BSPRY: variants seen among roughly 807,000 people sequenced by gnomAD.
The protein encoded by BSPRY is B-box and SPRY domain containing, also known as B box and SPRY domain-containing protein.
Under a neutral mutation model 38.0 loss-of-function variants are expected in BSPRY, and 33 were observed. The observed-to-expected ratio is 0.87, with a 90% CI of 0.66 to 1.16. The LOEUF is 1.16. Among genes scored for constraint, BSPRY ranks in the 50% most tolerant of loss-of-function variants. The probability of loss-of-function intolerance (pLI) is 0.00; values close to 1 mark genes in which losing one functional copy is unlikely to be tolerated. For synonymous variants in BSPRY, 224 were observed against 228.5 expected, an observed-to-expected ratio of 0.98 and a Z score of 0.18; for missense variants, 523 against 533.2, an observed-to-expected ratio of 0.98 and a Z score of 0.19.
At position 113,369,597 on chromosome 9, in the gene BSPRY, T is replaced by C. The variant is rs1158883028; in HGVS notation, c.683-19T>C. ...GGCAGGGGTGGGCCCTCGGCAACTCTGAGAATTCTTTCTGGCAGGCACAGA... is the reference window on the plus strand; with the variant it reads ...GGCAGGGGTGGGCCCTCGGCAACTCCGAGAATTCTTTCTGGCAGGCACAGA... On this transcript the variant is annotated intron_variant, in intron 5 of 5. Coordinates refer to ENST00000374183, the MANE Select transcript of BSPRY (RefSeq NM_017688.3). 3 of 1,589,448 alleles carry C rather than the reference T, an allele frequency of 1.9e-6. No homozygotes were observed. Among genetic ancestry groups the C allele is most frequent in the Non-Finnish European group, 1.7e-6 (2 of 1,166,254 alleles).
At chr9:113,356,171 G>T (rs1411369748) in intron 2 of BSPRY, among the ~76,000 whole-genome samples, 1 of 152,134 alleles carries the variant, frequency 6.6e-6, no homozygotes, top group African/African-American at 2.4e-5. Context: ...GGAATAGGAC[G>T]GGTTGCAATT....
intron 2 of BSPRY, among the ~76,000 whole-genome samples, chr9:113,360,055 G>T (rs1834122954): frequency 6.6e-6 from 1 of 152,134 alleles, no homozygotes; most frequent in Non-Finnish European, 1.5e-5. Flanking sequence ...GTTTTAGGAA[G>T]TCATCAGTTT....
At chr9:113,362,829 C>T (rs1350892172) in intron 4 of BSPRY, among the ~76,000 whole-genome samples, 2 of 152,194 alleles carry the variant, frequency 1.3e-5, no homozygotes, top group African/African-American at 4.8e-5. Context: ...ATCTTTGAAA[C>T]TTAAGTCTGC....
intron 2 of BSPRY, among the ~76,000 whole-genome samples, chr9:113,356,679 T>C (rs894188367): frequency 2.6e-5 from 4 of 152,134 alleles, no homozygotes; most frequent in Admixed American, 1.3e-4. Flanking sequence ...ATTCTGCATA[T>C]ATTTTGAAGA....
intron 2 of BSPRY, among the ~76,000 whole-genome samples, chr9:113,356,078 C>G (rs1372317756): frequency 6.6e-6 from 1 of 152,208 alleles, no homozygotes; most frequent in Non-Finnish European, 1.5e-5. Flanking sequence ...AGCCTACATT[C>G]TTGTCACAGA....
chr9:113,360,675 CTT>C lies in BSPRY; in HGVS notation c.470_471del (p.Leu157ArgfsTer16). The C allele has an allele frequency of 1.2e-6, 2 of 1,607,356 alleles. No homozygotes were observed. The highest frequency in any genetic ancestry group is 1.7e-6 in the Non-Finnish European group (2 of 1,177,988). On this transcript the variant is annotated frameshift_variant, in exon 3 of 6. Transcript: ENST00000374183. LOFTEE classifies it high-confidence loss of function. ...RVHWAEALQK[L>X]DTIRTGLVGM... The stretch of plus-strand genomic sequence containing the variant: ...GCACTGGGCCGAGGCGCTGCAGAAA[CTT>C]GACACCATCCGCACTGGCCTGGTGG...
At chr9:113,356,782 G>A (rs1188071335) in intron 2 of BSPRY, among the ~76,000 whole-genome samples, 3 of 152,322 alleles carry the variant, frequency 2.0e-5, no homozygotes, top group African/African-American at 7.2e-5. Flanking sequence ...TTGAGCAACT[G>A]GCAGGATGGA....
intron 3 of BSPRY, 77 bp from the exon 4 acceptor site, chr9:113,362,292 G>T: frequency 6.6e-7 from 1 of 1,507,872 alleles, no homozygotes; most frequent in Middle Eastern, 1.7e-4. Context: ...GCCCTTTCTG[G>T]TAGTTAAATC....
intron 2 of BSPRY, 52 bp downstream of exon 2, chr9:113,354,390 A>AG: frequency 6.7e-7 from 1 of 1,489,518 alleles, no homozygotes; most frequent in South Asian, 1.1e-5. Flanking sequence ...ATAAGGCCTT[A>AG]GACTTAGGGA....
chr9:113,351,065 G>C (rs1833962241), intron 1 of BSPRY, among the ~76,000 whole-genome samples: 1 of 152,132 alleles, frequency 6.6e-6, no homozygotes, highest in East Asian at 1.9e-4. Context: ...GCTTTGCTTC[G>C]GCGGTTGGAG....
intron 3 of BSPRY, among the ~76,000 whole-genome samples, 195 bp from the exon 4 acceptor site, chr9:113,362,174 G>GGGGGGTGTGT (rs1554734197): frequency 2.1e-5 from 3 of 141,248 alleles, no homozygotes; most frequent in African/African-American, 8.0e-5. Flanking sequence ...ATGTGTTATG[G>GGGGGGTGTGT]GTGTGTGTGT....
At chr9:113,350,553 C>T (rs1205171268) in intron 1 of BSPRY, among the ~76,000 whole-genome samples, 1 of 152,044 alleles carries the variant, frequency 6.6e-6, no homozygotes, top group Non-Finnish European at 1.5e-5. Flanking sequence ...TTGGGAGAGT[C>T]GAAGTCACCT....
At chr9:113,368,550 G>A (rs923705790) in intron 5 of BSPRY, among the ~76,000 whole-genome samples, 167 bp downstream of exon 5, 7 of 152,124 alleles carry the variant, frequency 4.6e-5, no homozygotes, top group African/African-American at 1.7e-4. Context: ...GACAGGCCTG[G>A]GGCAGCTGGG....
At position 113,362,340 on chromosome 9, in the gene BSPRY, A is replaced by C. The variant is rs373577737; in HGVS notation, c.532-29A>C. On this transcript the variant is annotated intron_variant, in intron 3 of 5. Transcript: ENST00000374183. ...GACTCCCTGCTGGGTATCTGGTGCC[A>C]AGCTTGACTTTGTTTTCTTTTCTCA... is the stretch of plus-strand genomic sequence containing the variant. The C allele has an allele frequency of 5.0e-6, 8 of 1,614,060 alleles. No individual in the cohort carries two copies. The African/African-American group carries it at 1.1e-4, about 22-fold the overall frequency.
chr9:113,357,916 A>G (rs1202194971), intron 2 of BSPRY, among the ~76,000 whole-genome samples: 899 of 42,078 alleles, frequency 0.021, 74 homozygotes, highest in African/African-American at 0.047. Context: ...ATATATATAT[A>G]TATATATATA....
chr9:113,356,952 A>G (rs1026966945), intron 2 of BSPRY, among the ~76,000 whole-genome samples: 1 of 152,216 alleles, frequency 6.6e-6, no homozygotes, highest in African/African-American at 2.4e-5. Context: ...AGGTAGCTGC[A>G]TATATGAGTT....
intron 1 of BSPRY, among the ~76,000 whole-genome samples, chr9:113,350,682 C>T (rs35915957): frequency 0.059 from 9,015 of 152,186 alleles, 451 homozygotes; most frequent in South Asian, 0.17. Flanking sequence ...CTGGGGACTT[C>T]GCCTACCCAG....
chr9:113,360,340 G>A (rs1315423073), intron 2 of BSPRY, among the ~76,000 whole-genome samples, 167 bp from the exon 3 acceptor site: 2 of 152,132 alleles, frequency 1.3e-5, no homozygotes, highest in Non-Finnish European at 2.9e-5. Flanking sequence ...AAGTCTTGGG[G>A]CAGAGATGTC....
At chr9:113,358,363 G>C (rs981305192) in intron 2 of BSPRY, among the ~76,000 whole-genome samples, 2 of 151,934 alleles carry the variant, frequency 1.3e-5, no homozygotes, top group African/African-American at 2.4e-5. Flanking sequence ...CCACCTCCCA[G>C]CTTCAAGCAA....
Sources: gnomAD v4.1 joint callset for allele counts (sites outside exome capture counted in the v4.1 genomes callset) on GRCh38, gnomAD v4.1.1 for gene constraint, MANE v1.5 for transcripts, NCBI Gene and HGNC (gene_info 2026-07-23, HGNC 2026-07-21) for gene names.